MECR: variants seen among roughly 807,000 people sequenced by gnomAD.
MECR encodes enoyl-[acyl-carrier-protein] reductase, mitochondrial.
A neutral mutation model predicts 49.1 loss-of-function variants in MECR; 37 were observed. The observed-to-expected ratio is 0.75, with a 90% CI of 0.58 to 0.99. MECR has a LOEUF of 0.99. Among genes scored for constraint, MECR ranks in the 50% least tolerant of loss-of-function variants. The probability of loss-of-function intolerance (pLI) is 0.00; values close to 1 mark genes in which losing one functional copy is unlikely to be tolerated. For synonymous variants in MECR, 198 were observed against 191.1 expected, an observed-to-expected ratio of 1.04 and a Z score of -0.30; for missense variants, 470 against 479.6, an observed-to-expected ratio of 0.98 and a Z score of 0.19.
Position 29,201,880 on chromosome 1 carries a change from A to G in MECR, c.756+63T>C. On this transcript the variant is annotated intron_variant, in intron 6 of 9. Coordinates refer to ENST00000263702, the MANE Select transcript of MECR (RefSeq NM_016011.5). The surrounding 1 kb of genome is among the most constrained non-coding windows in gnomAD (Gnocchi z 4.3). Reference sequence around the variant, plus strand: ...GGCCAGTCCCCAGTTTCTCTAATGCATGTCAACTTTCTTCAGGGAGATGTG... The same window carrying G: ...GGCCAGTCCCCAGTTTCTCTAATGCGTGTCAACTTTCTTCAGGGAGATGTG... 3 of 1,344,360 alleles carry G rather than the reference A, an allele frequency of 2.2e-6. No homozygotes were observed. The highest frequency in any genetic ancestry group is 2.3e-5 in the South Asian group (2 of 85,202). The allele number at this position is 1,344,360 out of a possible 1,614,324, so 83.3% of individuals were successfully genotyped here.
intron 1 of MECR, among the ~76,000 whole-genome samples, chr1:29,221,965 G>A (rs1680879284): frequency 1.3e-5 from 2 of 152,310 alleles, no homozygotes; most frequent in African/African-American, 4.8e-5. Context: ...AAAGGAAACT[G>A]AGGCTCAGAG....
intron 1 of MECR, among the ~76,000 whole-genome samples, chr1:29,225,911 G>A (rs1429597338): frequency 6.6e-6 from 1 of 152,214 alleles, no homozygotes; most frequent in African/African-American, 2.4e-5. Context: ...GCTCATGCCT[G>A]TAATCCCAGC....
chr1:29,197,870 C>A (rs1003619921), intron 7 of MECR, among the ~76,000 whole-genome samples: 1 of 152,214 alleles, frequency 6.6e-6, no homozygotes, highest in Non-Finnish European at 1.5e-5. Flanking sequence ...TCGTAACAAC[C>A]TTGTTTTAGA....
At chr1:29,203,028 G>A (rs1675698187) in intron 5 of MECR, 103 bp downstream of exon 5, 1 of 865,984 alleles carries the variant, frequency 1.2e-6, no homozygotes, top group African/African-American at 1.7e-5. Flanking sequence ...GCCAGTTTAT[G>A]CTTATGCAAG....
rs1355502249 is a variant in MECR at position 29,201,312 on chromosome 1, G to A, written c.756+631C>T. ...GTTCGCAAGAAGCGCATGCTCTTGA[G>A]TGTGTGTCTTTGGTTCCTCCAGATG... On this transcript the variant is annotated intron_variant, in intron 6 of 9. Coordinates refer to ENST00000263702, the MANE Select transcript of MECR (RefSeq NM_016011.5). The surrounding 1 kb of genome is among the most constrained non-coding windows in gnomAD (Gnocchi z 4.3). 5.9e-6 allele frequency: 3 copies of A among 509,120 alleles called. No individual in the cohort carries two copies. The highest frequency in any genetic ancestry group is 3.0e-5 in the South Asian group (2 of 67,532). 31.5% of individuals were successfully genotyped at this position (509,120 alleles called of 1,614,324 possible).
chr1:29,208,932 C>T (rs998744418), intron 3 of MECR, among the ~76,000 whole-genome samples: 4 of 152,148 alleles, frequency 2.6e-5, no homozygotes, highest in Admixed American at 6.5e-5. Context: ...GAGGTGCTAC[C>T]GTCTCAGAGC....
At chr1:29,183,324 A>T in the MECR span, among the ~76,000 whole-genome samples, 16 of 152,356 alleles carry the variant, frequency 1.1e-4, no homozygotes, top group Admixed American at 2.6e-4. Flanking sequence ...GCCCTGGTGA[A>T]GGACATTGAA....
At chr1:29,172,697 A>T in the MECR span, 2 of 152,194 alleles carry the variant, frequency 1.3e-5, no homozygotes, top group Non-Finnish European at 2.9e-5. Context: ...CTGGAAAGTT[A>T]TTTGGTTATA....
downstream of MECR, among the ~76,000 whole-genome samples, chr1:29,191,131 T>C (rs1279835963): frequency 1.3e-5 from 2 of 152,182 alleles, no homozygotes; most frequent in Non-Finnish European, 2.9e-5. Flanking sequence ...GTACAAGGAA[T>C]CATTGCCTTC....
chr1:29,203,178 C>G lies in MECR; in HGVS notation c.606G>C (p.Gln202His). The change falls in exon 5 of 10, where the codon CAG becomes CAC. Residue 202 changes from glutamine (Q) to histidine (H), a missense_variant. By Grantham distance (24) the Gln-to-His change is conservative. Transcript: ENST00000263702. ...SNSGVGQAVIQIAAALGLRTI... is the reference protein window; with the variant it reads ...SNSGVGQAVIHIAAALGLRTI... ...TTCTTAGGCCCAGGGCTGCGGCGATCTGGATGACTGCTTGCCCCACTCCGC... is the reference window on the plus strand; with the variant it reads ...TTCTTAGGCCCAGGGCTGCGGCGATGTGGATGACTGCTTGCCCCACTCCGC... 1.3e-6 allele frequency: 2 copies of G among 1,587,130 alleles called. No individual in the cohort carries two copies. The highest frequency in any genetic ancestry group is 2.3e-5 in the East Asian group (1 of 44,266).
intron 7 of MECR, among the ~76,000 whole-genome samples, chr1:29,199,757 T>G (rs1033514675): frequency 6.6e-6 from 1 of 151,886 alleles, no homozygotes; most frequent in Non-Finnish European, 1.5e-5. Context: ...TAGCTGGGAT[T>G]ACAGGTGCCT....
At chr1:29,208,798 C>G (rs1386318893) in intron 3 of MECR, among the ~76,000 whole-genome samples, 1 of 151,932 alleles carries the variant, frequency 6.6e-6, no homozygotes, top group African/African-American at 2.4e-5. Context: ...TGGAGTCGAA[C>G]AGGTGAAAAA....
intron 3 of MECR, among the ~76,000 whole-genome samples, chr1:29,213,434 T>C (rs1347050241): frequency 6.6e-6 from 1 of 152,078 alleles, no homozygotes; most frequent in African/African-American, 2.4e-5. Flanking sequence ...TCTTTTTCTC[T>C]CTACAAGTGC....
At chr1:29,186,112 C>T in the MECR span, among the ~76,000 whole-genome samples, 1 of 152,238 alleles carries the variant, frequency 6.6e-6, no homozygotes, top group Non-Finnish European at 1.5e-5. Flanking sequence ...ATGCTTGTCC[C>T]TAAAACCTGC....
At chr1:29,172,754 T>C in the MECR span, 2 of 152,324 alleles carry the variant, frequency 1.3e-5, no homozygotes, top group African/African-American at 2.4e-5. Context: ...GACACATGAA[T>C]TTTATTTCAT....
At position 29,196,494 on chromosome 1, in the gene MECR, T is replaced by C. The variant is rs538989384; in HGVS notation, c.831-236A>G. ...TTGAGCCCAGGAGTTCAAGACCAGCTTGGGCAACAAAAGGAGACCCCATCT... is the reference window on the plus strand; with the variant it reads ...TTGAGCCCAGGAGTTCAAGACCAGCCTGGGCAACAAAAGGAGACCCCATCT... On this transcript the variant is annotated intron_variant, in intron 7 of 9. Coordinates refer to ENST00000263702, the MANE Select transcript of MECR (RefSeq NM_016011.5). Among the ~76,000 whole-genome samples, 4 of 150,484 alleles carry C rather than the reference T, an allele frequency of 2.7e-5. No homozygotes were observed. The South Asian group carries it at 6.3e-4, about 24-fold the overall frequency.
chr1:29,209,234 A>T (rs1677355737), intron 3 of MECR, among the ~76,000 whole-genome samples: 1 of 152,196 alleles, frequency 6.6e-6, no homozygotes, highest in Admixed American at 6.5e-5. Flanking sequence ...TATGTGTGAT[A>T]CTCTGCTATT....
chr1:29,220,145 C>T (rs954603107), intron 1 of MECR, among the ~76,000 whole-genome samples: 5 of 150,632 alleles, frequency 3.3e-5, no homozygotes, highest in Admixed American at 2.0e-4. Flanking sequence ...AATCCTGGCA[C>T]TTTGGGAGGC....
the MECR span, among the ~76,000 whole-genome samples, chr1:29,180,204 T>G: frequency 6.6e-6 from 1 of 152,198 alleles, no homozygotes; most frequent in African/African-American, 2.4e-5. Context: ...AAATCCACAC[T>G]TTGTCCACAA....
Sources: allele counts gnomAD v4.1 joint callset (sites outside exome capture counted in the v4.1 genomes callset), GRCh38; gene constraint gnomAD v4.1.1; non-coding constraint Gnocchi (gnomAD v3.1); transcripts MANE v1.5; gene names NCBI Gene and HGNC (gene_info 2026-07-23, HGNC 2026-07-21).